Variants in PPM1H observed in about 807,000 individuals in gnomAD.
PPM1H encodes protein phosphatase, Mg2+/Mn2+ dependent 1H, also known as protein phosphatase 1H.
In PPM1H, 27 loss-of-function variants were observed where a neutral mutation model predicts 54.9. That is an observed-to-expected ratio of 0.49 (90% CI 0.36 to 0.68). The LOEUF (loss-of-function observed/expected upper bound fraction) is 0.68, where lower values mean the gene tolerates loss of function less well. Among genes scored for constraint, PPM1H ranks in the 30% least tolerant of loss-of-function variants. PPM1H has a pLI of 0.00. For missense variants in PPM1H, 596 were observed against 667.8 expected (o/e 0.89, Z 1.19); for synonymous variants, 305 against 270.8 (o/e 1.13, Z -1.24).
chr12:62,686,725 T>A (rs1163208628), intron 8 of PPM1H, among the ~76,000 whole-genome samples: 3 of 152,210 alleles, frequency 2.0e-5, no homozygotes, highest in African/African-American at 7.2e-5. Flanking sequence ...TAATTATTAT[T>A]TCTACCGAGC....
chr12:62,739,015 G>A (rs1028345224), intron 4 of PPM1H, among the ~76,000 whole-genome samples: 1 of 151,632 alleles, frequency 6.6e-6, no homozygotes, highest in African/African-American at 2.4e-5. Context: ...GGCGGGCAGC[G>A]CATCCAGGAA....
chr12:62,668,497 T>A (rs2075933809), intron 8 of PPM1H, among the ~76,000 whole-genome samples: 1 of 152,178 alleles, frequency 6.6e-6, no homozygotes, highest in Non-Finnish European at 1.5e-5. Flanking sequence ...CGCTTCAGCC[T>A]CCCAAGTAGC....
chr12:62,808,764 C>T (rs981598296), intron 2 of PPM1H, among the ~76,000 whole-genome samples: 5 of 152,118 alleles, frequency 3.3e-5, no homozygotes, highest in Admixed American at 1.3e-4. Flanking sequence ...ATCTGGACAG[C>T]GGCCTTGAGG....
intron 1 of PPM1H, among the ~76,000 whole-genome samples, chr12:62,909,923 AC>A (rs1170449218): frequency 2.6e-5 from 4 of 152,234 alleles, no homozygotes; most frequent in Non-Finnish European, 5.9e-5. Context: ...TTGAAGAATG[AC>A]ATAATTATAA....
intron 2 of PPM1H, among the ~76,000 whole-genome samples, chr12:62,814,377 C>T (rs1299325162): frequency 6.6e-6 from 1 of 152,086 alleles, no homozygotes; most frequent in African/African-American, 2.4e-5. Context: ...TGCCACCACA[C>T]CTGGCTAATT....
intron 1 of PPM1H, among the ~76,000 whole-genome samples, chr12:62,921,425 C>A (rs1871796550): frequency 6.6e-6 from 1 of 152,170 alleles, no homozygotes; most frequent in Admixed American, 6.5e-5. Context: ...TGTCTGCCCA[C>A]ATCCCTGGGA....
At chr12:62,848,969 A>G (rs1869077096) in intron 1 of PPM1H, among the ~76,000 whole-genome samples, 1 of 152,166 alleles carries the variant, frequency 6.6e-6, no homozygotes, top group Non-Finnish European at 1.5e-5. Context: ...GAACAAAAAT[A>G]CTGGCAGGTC....
chr12:62,809,935 G>A (rs562336642), intron 2 of PPM1H, among the ~76,000 whole-genome samples: 5 of 152,010 alleles, frequency 3.3e-5, no homozygotes, highest in Non-Finnish European at 4.4e-5. Context: ...ACTATCCTTC[G>A]GTTTTTGGTG....
At chr12:62,804,825 G>A (rs556382282) in intron 2 of PPM1H, among the ~76,000 whole-genome samples, 1 of 150,656 alleles carries the variant, frequency 6.6e-6, no homozygotes, top group Non-Finnish European at 1.5e-5. Flanking sequence ...ACAGGCGCCC[G>A]CCACTACGCC....
chr12:62,884,646 G>C (rs945815165), intron 1 of PPM1H, among the ~76,000 whole-genome samples: 2 of 152,086 alleles, frequency 1.3e-5, no homozygotes, highest in African/African-American at 2.4e-5. Context: ...TGGAAAAGCT[G>C]GTTCTGAACA....
chr12:62,848,595 C>T (rs1206696690), intron 1 of PPM1H, among the ~76,000 whole-genome samples: 2 of 152,200 alleles, frequency 1.3e-5, no homozygotes, highest in Non-Finnish European at 2.9e-5. Context: ...AAGGTAGGAT[C>T]TGAGCAAAGC....
chr12:62,875,328 G>C (rs2093442374), intron 1 of PPM1H, among the ~76,000 whole-genome samples: 1 of 152,202 alleles, frequency 6.6e-6, no homozygotes, highest in Non-Finnish European at 1.5e-5. Flanking sequence ...AGAAAAGTGA[G>C]TGTTGCTATG....
At chr12:62,832,336 C>A in intron 1 of PPM1H, 57 bp from the exon 2 acceptor site, 1 of 1,524,826 alleles carries the variant, frequency 6.6e-7, no homozygotes, top group South Asian at 1.2e-5. Flanking sequence ...AGGGCACAGT[C>A]CCTTGTCAAG....
intron 6 of PPM1H, among the ~76,000 whole-genome samples, chr12:62,713,156 G>A (rs1479734864): frequency 1.3e-5 from 2 of 152,302 alleles, no homozygotes; most frequent in East Asian, 3.9e-4. Flanking sequence ...TGGATGGTTG[G>A]TGAGAAGCCT....
chr12:62,871,258 A>C (rs1869966605), intron 1 of PPM1H, among the ~76,000 whole-genome samples: 1 of 150,820 alleles, frequency 6.6e-6, no homozygotes, highest in South Asian at 2.1e-4. Flanking sequence ...AATCTTGAAA[A>C]TACTATGCTA....
chr12:62,680,777 CA>C (rs2076015177), intron 8 of PPM1H, among the ~76,000 whole-genome samples: 1 of 152,168 alleles, frequency 6.6e-6, no homozygotes, highest in Admixed American at 6.5e-5. Context: ...AATTGTTCTG[CA>C]AAGCCTCTAA....
chr12:62,726,247 T>C (rs1034121883), intron 5 of PPM1H, among the ~76,000 whole-genome samples: 5 of 152,238 alleles, frequency 3.3e-5, no homozygotes, highest in Non-Finnish European at 5.9e-5. Flanking sequence ...ACACAATTTG[T>C]AAAAACCTGT....
intron 1 of PPM1H, among the ~76,000 whole-genome samples, chr12:62,853,144 C>A (rs973316823): frequency 6.6e-6 from 1 of 151,682 alleles, no homozygotes; most frequent in Admixed American, 6.6e-5. Flanking sequence ...TTCTCGGGGG[C>A]AATAATGGTT....
At chr12:62,764,841 G>A (rs1480088629) in intron 4 of PPM1H, among the ~76,000 whole-genome samples, 4 of 152,204 alleles carry the variant, frequency 2.6e-5, no homozygotes. Context: ...GGAGAAGGAT[G>A]GAGGGAGAGA....
Sources: gnomAD v4.1 joint callset for allele counts (sites outside exome capture counted in the v4.1 genomes callset) on GRCh38, gnomAD v4.1.1 for gene constraint, MANE v1.5 for transcripts, NCBI Gene and HGNC (gene_info 2026-07-23, HGNC 2026-07-21) for gene names.